The following PLCE1 variants were observed in gnomAD, a reference collection of about 807,000 sequenced individuals.
PLCE1 encodes 1-phosphatidylinositol 4,5-bisphosphate phosphodiesterase epsilon-1.
Under a neutral mutation model 242.8 loss-of-function variants are expected in PLCE1, and 119 were observed. The ratio of observed to expected loss-of-function variants is 0.49; its 90% confidence interval spans 0.42 to 0.57. The LOEUF (loss-of-function observed/expected upper bound fraction) is 0.57. Ranked by LOEUF, PLCE1 falls within the 20% of genes least tolerant of loss-of-function variation. PLCE1 has a pLI of 0.00. For synonymous variants in PLCE1, 945 were observed against 1,017.4 expected (o/e 0.93, Z 1.35); for missense variants, 2,441 against 2,788.8 (o/e 0.88, Z 2.81).
chr10:94,014,463 G>A (rs1033450442), intron 1 of PLCE1, among the ~76,000 whole-genome samples: 5 of 151,578 alleles, frequency 3.3e-5, no homozygotes, highest in Admixed American at 6.6e-5. Context: ...AAATTAGCTG[G>A]GTGTGGTGGT....
chr10:94,315,799 A>C (rs1447558429), intron 28 of PLCE1, among the ~76,000 whole-genome samples: 3 of 151,646 alleles, frequency 2.0e-5, no homozygotes, highest in African/African-American at 7.3e-5. Flanking sequence ...AAGTAACTAT[A>C]ATGGCTCATC....
Position 94,031,317 on chromosome 10 carries a change from TG to T in PLCE1, c.274del (p.Glu92ArgfsTer19). 6.2e-7 allele frequency: 1 copy of T among 1,613,898 alleles called. No individual in the cohort carries two copies. Among genetic ancestry groups the T allele is most frequent in the Non-Finnish European group, 8.5e-7 (1 of 1,179,876 alleles). ...TGATGAGAACAGTAATGAAAAATGT[TG>T]GGAGAAAATCATGCCAGATTCTGCG... ...VSDENSNEKC[W>X]EKIMPDSAKN... On this transcript the variant is annotated frameshift_variant, in exon 2 of 33. Transcript: ENST00000371380. LOFTEE classifies it high-confidence loss of function.
rs1018870505 is a variant in PLCE1, at chr10:94,031,589, C to G, written c.543C>G (p.Asp181Glu). 1 of 1,612,662 alleles carries G rather than the reference C, an allele frequency of 6.2e-7. No homozygotes were observed. The highest frequency in any genetic ancestry group is 8.5e-7 in the Non-Finnish European group (1 of 1,179,556). Residue 181 changes from aspartate to glutamate, a missense_variant, in exon 2 of 33, where the codon GAC becomes GAG. By Grantham distance (45) the Asp-to-Glu change is conservative. This residue lies in a region of PLCE1 where 393 missense variants were observed against 378.5 expected (regional missense o/e 1.04). Transcript: ENST00000371380. ...TAGAGACAGGCAGAGCACACCCTGA[C>G]AGCAGAAGGGCAGTATTTCATTTTC... is the stretch of plus-strand genomic sequence containing the variant. ...VIIETGRAHP[D>E]SRRAVFHFHY...
intron 4 of PLCE1, among the ~76,000 whole-genome samples, chr10:94,179,621 T>C (rs2048244092): frequency 7.0e-6 from 1 of 143,254 alleles, no homozygotes; most frequent in Non-Finnish European, 1.5e-5. Flanking sequence ...TCCTCCCACC[T>C]CAGCCTCCCA....
intron 3 of PLCE1, among the ~76,000 whole-genome samples, chr10:94,145,388 G>C (rs2136054912): frequency 6.6e-6 from 1 of 152,308 alleles, no homozygotes; most frequent in South Asian, 2.1e-4. Flanking sequence ...CAGGTGGACT[G>C]TTAATGCTCC....
intron 28 of PLCE1, chr10:94,315,113 A>C (rs2053522359): frequency 4.2e-6 from 1 of 238,210 alleles, no homozygotes; most frequent in South Asian, 5.7e-5. Flanking sequence ...GTGGCCCAGA[A>C]GCTTCACATC....
At chr10:94,310,521 AG>A (rs2053355258) in intron 27 of PLCE1, among the ~76,000 whole-genome samples, 1 of 152,118 alleles carries the variant, frequency 6.6e-6, no homozygotes. Context: ...TCCAAGGTTT[AG>A]AAGAGCACTT....
intron 7 of PLCE1, among the ~76,000 whole-genome samples, chr10:94,240,256 A>C (rs898354761): frequency 3.3e-5 from 5 of 152,206 alleles, no homozygotes; most frequent in Admixed American, 3.3e-4. Flanking sequence ...TTAAGATGCT[A>C]ATGTTTATTG....
Position 94,259,073 on chromosome 10 carries a change from G to T in PLCE1, c.3737G>T (p.Arg1246Leu), listed in dbSNP as rs374570009. The T allele has an allele frequency of 6.2e-6, 10 of 1,613,842 alleles. No individual in the cohort carries two copies. Among genetic ancestry groups the T allele is most frequent in the Non-Finnish European group, 8.5e-6 (10 of 1,179,936 alleles). Reference sequence around the variant, plus strand: ...GATGTCTATGCAGTGCCCTGCAACCGATCTGGCTCCGAGTCAGCCCCACTC... The same window carrying T: ...GATGTCTATGCAGTGCCCTGCAACCTATCTGGCTCCGAGTCAGCCCCACTC... ...LFDVYAVPCNRSGSESAPLYT... is the reference protein window; with the variant it reads ...LFDVYAVPCNLSGSESAPLYT... The change falls in exon 13 of 33, where the codon CGA becomes CTA. Residue 1246 changes from arginine to leucine, a missense_variant. Transcript: ENST00000371380.
chr10:94,208,391 A>G (rs754674736), intron 4 of PLCE1, among the ~76,000 whole-genome samples: 6 of 152,254 alleles, frequency 3.9e-5, no homozygotes, highest in Admixed American at 2.0e-4. Context: ...AATCTTTGAA[A>G]TTACATAAAG....
chr10:94,269,800 C>T (rs745795496), intron 17 of PLCE1, among the ~76,000 whole-genome samples: 18 of 152,150 alleles, frequency 1.2e-4, no homozygotes, highest in Non-Finnish European at 1.8e-4. Flanking sequence ...ATTGGTCACC[C>T]AGGAAGACTG....
At chr10:94,325,292 C>T in intron 32 of PLCE1, 188 bp downstream of exon 32, 1 of 557,340 alleles carries the variant, frequency 1.8e-6, no homozygotes, top group Non-Finnish European at 3.2e-6. Flanking sequence ...CTATTGAACA[C>T]CGCCTATAAA....
chr10:94,004,355 T>C (rs2060994956), intron 1 of PLCE1, among the ~76,000 whole-genome samples: 1 of 152,058 alleles, frequency 6.6e-6, no homozygotes, highest in Non-Finnish European at 1.5e-5. Context: ...GACCTTAGAA[T>C]CTAGTAATAG....
At chr10:94,116,069 C>T (rs1196180361) in intron 2 of PLCE1, among the ~76,000 whole-genome samples, 1 of 152,162 alleles carries the variant, frequency 6.6e-6, no homozygotes, top group African/African-American at 2.4e-5. Flanking sequence ...GCTTGCTCAT[C>T]TCTGACATGC....
chr10:94,116,705 A>AT (rs543056773), intron 2 of PLCE1, among the ~76,000 whole-genome samples: 1 of 151,956 alleles, frequency 6.6e-6, no homozygotes, highest in Non-Finnish European at 1.5e-5. Context: ...AAAAAAAAAA[A>AT]TTTTTTTTAA....
At chr10:94,324,846 A>G (rs1270786580) in intron 31 of PLCE1, 46 bp from the exon 32 acceptor site, 1 of 1,562,158 alleles carries the variant, frequency 6.4e-7, no homozygotes, top group Non-Finnish European at 8.8e-7. Context: ...TGACAGAGGA[A>G]CCTGAGTTTA....
chr10:94,222,143 A>G (rs965238108), intron 4 of PLCE1, among the ~76,000 whole-genome samples: 30 of 152,280 alleles, frequency 2.0e-4, no homozygotes, highest in African/African-American at 7.2e-4. Flanking sequence ...GGGAGACAGA[A>G]CAGGCCCATG....
rs2060770411 is a variant in PLCE1, at chr10:93,994,054, G to T, written c.-569G>T. Among the ~76,000 whole-genome samples the T allele has an allele frequency of 6.6e-6, 1 of 151,142 alleles. No individual in the cohort carries two copies. Among genetic ancestry groups the T allele is most frequent in the Admixed American group, 6.6e-5 (1 of 15,220 alleles). On this transcript the variant is annotated 5_prime_UTR_variant, in exon 1 of 33. Coordinates refer to ENST00000371380, the MANE Select transcript of PLCE1 (RefSeq NM_016341.4). ...GCGGCGGGAGGGGCAGCGGCGGCGC[G>T]CCCGGGCTCTACCTCCCGGGCTCTG...
intron 2 of PLCE1, among the ~76,000 whole-genome samples, chr10:94,053,725 T>A (rs1404628920): frequency 2.6e-5 from 4 of 152,170 alleles, no homozygotes; most frequent in African/African-American, 9.7e-5. Context: ...GGGCCAGGAC[T>A]AGGGTTTGGG....
Sources: allele counts gnomAD v4.1 joint callset (sites outside exome capture counted in the v4.1 genomes callset), GRCh38; gene constraint gnomAD v4.1.1; regional missense constraint gnomAD v4.1.1; transcripts MANE v1.5; gene names NCBI Gene and HGNC (gene_info 2026-07-23, HGNC 2026-07-21).